GRAMD4: variants seen among roughly 807,000 people sequenced by gnomAD.
GRAMD4 encodes the protein GRAM domain containing 4.
A neutral mutation model predicts 83.9 loss-of-function variants in GRAMD4; 25 were observed. That is an observed-to-expected ratio of 0.30 (90% CI 0.22 to 0.42). GRAMD4 has a LOEUF of 0.42. Among genes scored for constraint, GRAMD4 ranks in the 10% least tolerant of loss-of-function variants. The pLI, the probability that GRAMD4 is intolerant of heterozygous loss-of-function variation, is 1.00. For missense variants in GRAMD4, 593 were observed against 788.7 expected (o/e 0.75, Z 2.97); for synonymous variants, 336 against 320.9 (o/e 1.05, Z -0.50).
intron 2 of GRAMD4, among the ~76,000 whole-genome samples, chr22:46,628,851 G>C (rs368619879): frequency 1.4e-4 from 21 of 152,130 alleles, no homozygotes; most frequent in African/African-American, 4.8e-4. Flanking sequence ...GTAGCTTGGA[G>C]AATGTGGCTC....
chr22:46,609,162 G>C (rs1482678611), intron 1 of GRAMD4, among the ~76,000 whole-genome samples: 1 of 151,420 alleles, frequency 6.6e-6, no homozygotes, highest in African/African-American at 2.4e-5. Context: ...TTTTTTCTTG[G>C]CTCTTGGGTT....
intron 3 of GRAMD4, among the ~76,000 whole-genome samples, chr22:46,657,114 G>A (rs1340929680): frequency 6.6e-6 from 1 of 152,258 alleles, no homozygotes; most frequent in Non-Finnish European, 1.5e-5. Flanking sequence ...GCCTGTCAAG[G>A]AGACAGGGTT....
chr22:46,603,703 A>G (rs1327336900), intron 1 of GRAMD4, among the ~76,000 whole-genome samples: 1 of 149,566 alleles, frequency 6.7e-6, no homozygotes, highest in East Asian at 2.0e-4. Flanking sequence ...TTTTTAGTAG[A>G]GACGGGGTTT....
chr22:46,580,836 G>A lies in GRAMD4; in HGVS notation c.-50+3546G>A, dbSNP rs569385443. On this transcript the variant is annotated intron_variant, in intron 1 of 1. Transcript: ENST00000431155. Reference sequence around the variant, plus strand: ...CAAAAAATTAGCCGGGCGTGTTGGCGCATGTCTGTCATCCCAGCTACTTGG... The same window carrying A: ...CAAAAAATTAGCCGGGCGTGTTGGCACATGTCTGTCATCCCAGCTACTTGG... Among the ~76,000 whole-genome samples the A allele has an allele frequency of 1.5e-3, 232 of 152,074 alleles. 2 individuals are homozygous for A. Among genetic ancestry groups the A allele is most frequent in the African/African-American group, 4.9e-3 (202 of 41,478 alleles).
Position 46,635,943 on chromosome 22 carries a change from G to A in GRAMD4, c.163-1897G>A, listed in dbSNP as rs542501131. On this transcript the variant is annotated intron_variant, in intron 2 of 18. Transcript: ENST00000406902. ...CAGGGGTCCAGCTGCAGGCTTTGCAGTGTGCCTCCTCCTGGCTGCGTGTGG... is the reference window on the plus strand; with the variant it reads ...CAGGGGTCCAGCTGCAGGCTTTGCAATGTGCCTCCTCCTGGCTGCGTGTGG... Among the ~76,000 whole-genome samples the A allele has an allele frequency of 1.7e-4, 26 of 152,328 alleles. No individual in the cohort carries two copies. The South Asian group carries it at 2.9e-3, about 17-fold the overall frequency.
chr22:46,640,626 C>T (rs1008522946), intron 3 of GRAMD4, among the ~76,000 whole-genome samples: 3 of 152,156 alleles, frequency 2.0e-5, no homozygotes, highest in Admixed American at 2.0e-4. Flanking sequence ...TCACCTCTGA[C>T]AGCCTGTGGG....
intron 1 of GRAMD4, among the ~76,000 whole-genome samples, chr22:46,577,694 A>C (rs2081057392): frequency 2.0e-5 from 3 of 151,896 alleles, no homozygotes; most frequent in African/African-American, 4.8e-5. Flanking sequence ...CCCGGGTGGG[A>C]CGGGAGAGGA....
chr22:46,618,674 C>T (rs551352620), upstream of GRAMD4, among the ~76,000 whole-genome samples: 9 of 152,104 alleles, frequency 5.9e-5, no homozygotes, highest in South Asian at 2.1e-4. This position sits in a 1 kb window ranked among gnomAD's most constrained non-coding sequence, Gnocchi z 5.8. Context: ...TCGGGAGGCA[C>T]GCGGCTGCCT....
At chr22:46,615,034 TGTAGG>T (rs2081461948) in intron 1 of GRAMD4, among the ~76,000 whole-genome samples, 1 of 77,810 alleles carries the variant, frequency 1.3e-5, no homozygotes, top group Non-Finnish European at 2.8e-5. Context: ...TTCCCCCGTG[TGTAGG>T]TTCCCCTGTG....
rs998187264 is a variant in GRAMD4, at chr22:46,678,585, G to T, written c.*1334G>T. The T allele has an allele frequency of 1.3e-5, 13 of 985,406 alleles. No homozygotes were observed. The highest frequency in any genetic ancestry group is 9.6e-6 in the Non-Finnish European group (8 of 829,966). The allele number at this position is 985,406 out of a possible 1,614,324, so 61.0% of individuals were successfully genotyped here. A position where few individuals can be genotyped will look rare whatever the true frequency, so the allele number is the denominator to read the frequency against. On this transcript the variant is annotated 3_prime_UTR_variant, in exon 19 of 19. Transcript: ENST00000406902. ...CTGCGTGTCTGCTGGGGCGGATCCC[G>T]CAGCTCCCTCAGCTTGTCCTGAGTC...
Position 46,666,893 on chromosome 22 carries a change from A to G in GRAMD4, c.858+20A>G. On this transcript the variant is annotated intron_variant, in intron 10 of 18. Transcript: ENST00000406902. ...CCCGTGGTAAGTCCCTGGAGGGTGC[A>G]CGGTCTCCTCCGACTGTCTCCATCA... 6.5e-7 allele frequency: 1 copy of G among 1,541,448 alleles called. No individual in the cohort carries two copies. Among genetic ancestry groups the G allele is most frequent in the Non-Finnish European group, 8.8e-7 (1 of 1,136,630 alleles).
rs2748343 is a variant in GRAMD4, at chr22:46,677,978, T to C, written c.*727T>C. On this transcript the variant is annotated 3_prime_UTR_variant, in exon 19 of 19. Transcript: ENST00000406902. ...GCTCAGCACCGCGTCTGTAAGGGCC[T>C]GCCTGCTGCTCTCGGCCTGACACGC... 502,448 of 985,628 alleles carry C rather than the reference T, an allele frequency of 0.51. 129,810 individuals are homozygous for C. The highest frequency in any genetic ancestry group is 0.69 in the African/African-American group (39,668 of 57,354). 61.1% of individuals were successfully genotyped at this position (985,628 alleles called of 1,614,324 possible).
chr22:46,591,567 C>G (rs1222345431), intron 1 of GRAMD4, among the ~76,000 whole-genome samples: 1 of 150,344 alleles, frequency 6.7e-6, no homozygotes, highest in Non-Finnish European at 1.5e-5. Flanking sequence ...GTGCACGGTG[C>G]CTCACGCCTG....
intron 2 of GRAMD4, among the ~76,000 whole-genome samples, chr22:46,636,932 G>A (rs1382885378): frequency 6.6e-6 from 1 of 152,234 alleles, no homozygotes; most frequent in African/African-American, 2.4e-5. Flanking sequence ...CAGACAGGAT[G>A]ACGAGGCCCC....
intron 3 of GRAMD4, among the ~76,000 whole-genome samples, chr22:46,643,123 GCATCCATCCATGCATCCTTCCATCCATC>G (rs2082002808): frequency 8.4e-5 from 2 of 23,828 alleles, no homozygotes; most frequent in African/African-American, 3.5e-4. Flanking sequence ...ATCCATCCAT[GCATCCATCCATGCATCCTTCCATCCATC>G]CATCCATCCA....
At chr22:46,630,055 C>T (rs1353025573) in intron 2 of GRAMD4, among the ~76,000 whole-genome samples, 2 of 151,678 alleles carry the variant, frequency 1.3e-5, no homozygotes, top group Non-Finnish European at 2.9e-5. Context: ...GACAGAGTCT[C>T]ACTCTGTCAC....
At position 46,677,522 on chromosome 22, in the gene GRAMD4, G is replaced by A; in HGVS notation, c.*271G>A. ...CTGGGGGAGGGGGCAGAGGCCCTCG[G>A]GGGCCCGTGGAGAAGACACACAGGA... On this transcript the variant is annotated 3_prime_UTR_variant, in exon 19 of 19. Coordinates refer to ENST00000406902, the MANE Select transcript of GRAMD4 (RefSeq NM_015124.5). 8.2e-7 allele frequency: 1 copy of A among 1,213,196 alleles called. No homozygotes were observed. Among genetic ancestry groups the A allele is most frequent in the South Asian group, 2.6e-5 (1 of 38,494 alleles). 75.2% of individuals were successfully genotyped at this position (1,213,196 alleles called of 1,614,324 possible).
At position 46,666,811 on chromosome 22, in the gene GRAMD4, T is replaced by G; in HGVS notation, c.810-14T>G. ...GGCGCTGTCCTAAAGGTGTGTGTGT[T>G]TTCTGTTCGCCAGGGGGTGGCGGAT... On this transcript the variant is annotated splice_polypyrimidine_tract_variant and intron_variant, in intron 9 of 18. Coordinates refer to ENST00000406902, the MANE Select transcript of GRAMD4 (RefSeq NM_015124.5). 1.2e-6 allele frequency: 2 copies of G among 1,610,104 alleles called. No individual in the cohort carries two copies. The highest frequency in any genetic ancestry group is 1.1e-5 in the South Asian group (1 of 90,894).
chr22:46,581,414 C>T (rs181868304), intron 1 of GRAMD4, among the ~76,000 whole-genome samples: 5 of 152,366 alleles, frequency 3.3e-5, no homozygotes, highest in Non-Finnish European at 5.9e-5. Context: ...GTCCCCAGTT[C>T]GTTCCCGAGC....
Sources: gnomAD v4.1 joint callset for allele counts (sites outside exome capture counted in the v4.1 genomes callset) on GRCh38, gnomAD v4.1.1 for gene constraint, Gnocchi (gnomAD v3.1) non-coding constraint, MANE v1.5 for transcripts, NCBI Gene and HGNC (gene_info 2026-07-23, HGNC 2026-07-21) for gene names.